C5orf34: variants seen among roughly 807,000 people sequenced by gnomAD.
C5orf34 encodes the protein chromosome 5 open reading frame 34.
Under a neutral mutation model 78.4 loss-of-function variants are expected in C5orf34, and 73 were observed. The observed-to-expected ratio is 0.93, with a 90% CI of 0.77 to 1.13. The LOEUF (loss-of-function observed/expected upper bound fraction) is 1.13. Among genes scored for constraint, C5orf34 ranks in the 50% most tolerant of loss-of-function variants. The probability of loss-of-function intolerance (pLI) is 0.00; values close to 1 mark genes in which losing one functional copy is unlikely to be tolerated. For missense variants in C5orf34, 730 were observed against 732.7 expected (o/e 1.00, Z 0.04); for synonymous variants, 251 against 246.6 (o/e 1.02, Z -0.17).
At chr5:43,492,922 T>G (rs775293435) in intron 8 of C5orf34, 32 bp from the exon 9 acceptor site, 1 of 1,448,872 alleles carries the variant, frequency 6.9e-7, no homozygotes, top group Non-Finnish European at 9.5e-7. Context: ...TAGCAGGAAA[T>G]AGAGTTATCT....
intron 12 of C5orf34, among the ~76,000 whole-genome samples, 168 bp downstream of exon 12, chr5:43,487,741 C>T (rs1420311290): frequency 6.6e-6 from 1 of 152,104 alleles, no homozygotes; most frequent in Non-Finnish European, 1.5e-5. Flanking sequence ...GCTATACCTT[C>T]TATGGACAAG....
intron 11 of C5orf34, among the ~76,000 whole-genome samples, chr5:43,490,040 C>G (rs10036954): frequency 1.6e-4 from 25 of 151,870 alleles, no homozygotes; most frequent in Non-Finnish European, 3.1e-4. Flanking sequence ...TAAAAACTAT[C>G]TTCTATCTCC....
rs1746120483 is a variant in C5orf34 at position 43,509,282 on chromosome 5, C to T, written c.58G>A (p.Val20Ile). The change falls in exon 2 of 13, where the codon GTT (valine) becomes ATT (isoleucine). Residue 20 changes from valine (V) to isoleucine (I), a missense_variant. Coordinates refer to ENST00000306862, the MANE Select transcript of C5orf34 (RefSeq NM_198566.4). ...YEDDSVQVQY[V>I]DGSTLQLSPC... ...GAAAGTTGCAATGTGGAACCATCAA[C>T]ATATTGTACTTGTACTGAATCATCT... 6.2e-7 allele frequency: 1 copy of T among 1,614,156 alleles called. No homozygotes were observed. The highest frequency in any genetic ancestry group is 8.5e-7 in the Non-Finnish European group (1 of 1,180,008).
At chr5:43,507,523 G>C (rs1313957845) in intron 3 of C5orf34, among the ~76,000 whole-genome samples, 1 of 152,176 alleles carries the variant, frequency 6.6e-6, no homozygotes, top group Non-Finnish European at 1.5e-5. Context: ...TGAATAAAGT[G>C]ACTCAAAAGA....
chr5:43,510,242 C>G (rs1398953191), intron 1 of C5orf34, among the ~76,000 whole-genome samples: 1 of 152,152 alleles, frequency 6.6e-6, no homozygotes, highest in Non-Finnish European at 1.5e-5. Flanking sequence ...ACCTGGAATC[C>G]TGTCTCTACC....
chr5:43,501,438 T>A (rs574837420), intron 6 of C5orf34, among the ~76,000 whole-genome samples: 2 of 152,314 alleles, frequency 1.3e-5, no homozygotes, highest in African/African-American at 4.8e-5. Context: ...GAGTTACTGT[T>A]CAATTAATAT....
chr5:43,493,541 A>G lies in C5orf34; in HGVS notation c.1314+2T>C. On this transcript the variant is annotated splice_donor_variant, in intron 8 of 12. Coordinates refer to ENST00000306862, the MANE Select transcript of C5orf34 (RefSeq NM_198566.4). LOFTEE classifies it high-confidence loss of function. ...CTTGCTTTTAAAATAATTTTAACAT[A>G]CCATTTTCCAGCAGCATATACGATA... 6.7e-7 allele frequency: 1 copy of G among 1,499,028 alleles called. No homozygotes were observed. Among genetic ancestry groups the G allele is most frequent in the Non-Finnish European group, 9.2e-7 (1 of 1,087,486 alleles). 92.9% of individuals were successfully genotyped at this position (1,499,028 alleles called of 1,614,324 possible).
At chr5:43,495,066 A>C in intron 6 of C5orf34, 3 of 1,475,938 alleles carry the variant, frequency 2.0e-6, no homozygotes, top group Non-Finnish European at 2.8e-6. Context: ...GGTATTAGGG[A>C]TAATATTCAT....
intron 1 of C5orf34, among the ~76,000 whole-genome samples, chr5:43,513,661 TAA>T (rs1746367029): frequency 6.6e-6 from 1 of 152,264 alleles, no homozygotes; most frequent in Non-Finnish European, 1.5e-5. Context: ...AAATGTTCTT[TAA>T]ACAAGCTCTT....
chr5:43,500,555 C>T (rs1745715913), intron 6 of C5orf34, among the ~76,000 whole-genome samples: 1 of 152,110 alleles, frequency 6.6e-6, no homozygotes, highest in African/African-American at 2.4e-5. Context: ...ACCACCATGC[C>T]TGGCTAATTT....
chr5:43,492,581 A>G (rs977531133), intron 9 of C5orf34, 139 bp downstream of exon 9: 1 of 745,840 alleles, frequency 1.3e-6, no homozygotes, highest in Non-Finnish European at 2.2e-6. Context: ...TTGCTAGGAA[A>G]TCCAAAGAGA....
intron 11 of C5orf34, 57 bp from the exon 12 acceptor site, chr5:43,488,006 T>C (rs1327337079): frequency 1.4e-6 from 2 of 1,393,440 alleles, no homozygotes; most frequent in African/African-American, 1.4e-5. Flanking sequence ...GTATTCATGA[T>C]ATTTCAAATA....
At chr5:43,508,079 GAAA>G (rs58637292) in intron 3 of C5orf34, among the ~76,000 whole-genome samples, 4 of 107,758 alleles carry the variant, frequency 3.7e-5, no homozygotes, top group Admixed American at 9.1e-5. Flanking sequence ...CTCCGTCTCA[GAAA>G]AAAAAAAAAA....
At chr5:43,503,386 T>A (rs961720740) in intron 5 of C5orf34, among the ~76,000 whole-genome samples, 2 of 152,256 alleles carry the variant, frequency 1.3e-5, no homozygotes, top group African/African-American at 4.8e-5. Context: ...ATAACTGATA[T>A]GAATGTTACA....
intron 6 of C5orf34, among the ~76,000 whole-genome samples, chr5:43,497,312 G>A (rs149103250): frequency 6.6e-6 from 1 of 152,284 alleles, no homozygotes; most frequent in East Asian, 1.9e-4. Context: ...GCTAACATTT[G>A]TGGAGCAGAT....
chr5:43,489,666 C>T (rs796737766), intron 11 of C5orf34, among the ~76,000 whole-genome samples: 3 of 152,158 alleles, frequency 2.0e-5, no homozygotes, highest in South Asian at 2.1e-4. Flanking sequence ...ATCTGCAAAG[C>T]TGGATCCTTA....
intron 4 of C5orf34, among the ~76,000 whole-genome samples, chr5:43,504,890 C>A (rs1745915162): frequency 6.6e-6 from 1 of 152,216 alleles, no homozygotes. Context: ...GCCTAACAGT[C>A]ATTCCCATAT....
chr5:43,505,691 C>A, intron 4 of C5orf34, 57 bp downstream of exon 4: 2 of 1,424,872 alleles, frequency 1.4e-6, no homozygotes, highest in East Asian at 2.4e-5. Flanking sequence ...GAAAATTATC[C>A]AGGTTAAGAC....
intron 6 of C5orf34, among the ~76,000 whole-genome samples, chr5:43,499,783 T>C (rs1745682719): frequency 1.3e-5 from 2 of 152,328 alleles, no homozygotes; most frequent in Non-Finnish European, 1.5e-5. Flanking sequence ...AATCTATTAC[T>C]GTATGCATCG....
Sources: gnomAD v4.1 joint callset for allele counts (sites outside exome capture counted in the v4.1 genomes callset) on GRCh38, gnomAD v4.1.1 for gene constraint, MANE v1.5 for transcripts, NCBI Gene and HGNC (gene_info 2026-07-23, HGNC 2026-07-21) for gene names.